The following KIAA0825 variants were observed in gnomAD, a reference collection of about 807,000 sequenced individuals.
The protein encoded by KIAA0825 is KIAA0825.
A neutral mutation model predicts 147.6 loss-of-function variants in KIAA0825; 119 were observed. The observed-to-expected ratio is 0.81, with a 90% CI of 0.69 to 0.94. KIAA0825 has a LOEUF of 0.94. KIAA0825 is among the 40% of genes least tolerant of loss of function. KIAA0825 has a pLI of 0.00. For missense variants in KIAA0825, 1,381 were observed against 1,472.7 expected (o/e 0.94, Z 1.02); for synonymous variants, 470 against 518.1 (o/e 0.91, Z 1.26).
intron 14 of KIAA0825, among the ~76,000 whole-genome samples, chr5:94,425,172 C>T (rs1754690330): frequency 6.6e-6 from 1 of 152,000 alleles, no homozygotes; most frequent in African/African-American, 2.4e-5. Flanking sequence ...CAGAGAGGAA[C>T]ACAACAAAAA....
At chr5:94,601,159 A>G (rs1372992158) in intron 1 of KIAA0825, among the ~76,000 whole-genome samples, 1 of 152,126 alleles carries the variant, frequency 6.6e-6, no homozygotes, top group Non-Finnish European at 1.5e-5. Flanking sequence ...TACCTCCTGC[A>G]TGTACATTTG....
intron 20 of KIAA0825, among the ~76,000 whole-genome samples, chr5:94,369,914 C>T (rs770341727): frequency 6.6e-6 from 1 of 152,098 alleles, no homozygotes; most frequent in Admixed American, 6.5e-5. Context: ...ATAGTTTCAG[C>T]ATAAAACACA....
intron 20 of KIAA0825, among the ~76,000 whole-genome samples, chr5:94,164,646 C>G (rs1162209454): frequency 6.6e-6 from 1 of 152,020 alleles, no homozygotes; most frequent in African/African-American, 2.4e-5. Context: ...CTCCTGACCT[C>G]GTGATCTGCC....
intron 2 of KIAA0825, among the ~76,000 whole-genome samples, chr5:94,572,446 C>A (rs145562130): frequency 1.8e-4 from 28 of 152,274 alleles, no homozygotes; most frequent in African/African-American, 6.0e-4. Context: ...GAGCTTCATT[C>A]ATTACACTGC....
chr5:94,238,049 A>G (rs964258709), intron 20 of KIAA0825, among the ~76,000 whole-genome samples: 1 of 152,192 alleles, frequency 6.6e-6, no homozygotes, highest in Middle Eastern at 3.2e-3. Context: ...TTCTCAGAAG[A>G]AAAAAAGAAC....
chr5:94,308,549 G>A (rs1778890461), intron 20 of KIAA0825, among the ~76,000 whole-genome samples: 1 of 151,692 alleles, frequency 6.6e-6, no homozygotes, highest in African/African-American at 2.4e-5. Flanking sequence ...TAAATTCAAG[G>A]GACTCTATAA....
At position 94,504,391 on chromosome 5, in the gene KIAA0825, T is replaced by A. The variant is rs571256981; in HGVS notation, c.970+15857A>T. On this transcript the variant is annotated intron_variant, in intron 5 of 20. Transcript: ENST00000682413. ...ATGATAGTTGCTTAGTGGGCCCAGATGCCCAGTTTTATCAAAGTGAAACTT... is the reference window on the plus strand; with the variant it reads ...ATGATAGTTGCTTAGTGGGCCCAGAAGCCCAGTTTTATCAAAGTGAAACTT... 9.5e-4 allele frequency among the ~76,000 whole-genome samples: 144 copies of A among 152,284 alleles called. 1 individual carries two copies. The highest frequency in any genetic ancestry group is 3.4e-3 in the African/African-American group (142 of 41,566).
At chr5:94,285,156 G>T (rs895327689) in intron 20 of KIAA0825, among the ~76,000 whole-genome samples, 2 of 152,200 alleles carry the variant, frequency 1.3e-5, no homozygotes, top group Admixed American at 1.3e-4. Context: ...CTGGAGTACT[G>T]AATTAACTAT....
At chr5:94,205,789 G>A (rs1018128588) in intron 20 of KIAA0825, among the ~76,000 whole-genome samples, 6 of 152,158 alleles carry the variant, frequency 3.9e-5, no homozygotes, top group South Asian at 4.1e-4. Context: ...AGTGTAAGAC[G>A]CACCTGATTT....
At chr5:94,528,637 T>C (rs1007960290) in intron 3 of KIAA0825, among the ~76,000 whole-genome samples, 5 of 152,148 alleles carry the variant, frequency 3.3e-5, no homozygotes, top group African/African-American at 1.2e-4. Context: ...ACATCTAATT[T>C]GGATCACTTC....
chr5:94,469,173 C>G (rs1760908845), intron 10 of KIAA0825, among the ~76,000 whole-genome samples: 1 of 144,460 alleles, frequency 6.9e-6, no homozygotes, highest in Admixed American at 6.9e-5. Context: ...GATGACTGTT[C>G]TTTTTTTTTT....
At chr5:94,454,035 C>T (rs894886556) in intron 12 of KIAA0825, among the ~76,000 whole-genome samples, 3 of 151,958 alleles carry the variant, frequency 2.0e-5, no homozygotes, top group African/African-American at 4.8e-5. Context: ...CAATGTAACC[C>T]GAATATCTGA....
In KIAA0825 at chr5:94,589,798, T is replaced by A. The variant is rs533959979; in HGVS notation, c.-152-7215A>T. Among the ~76,000 whole-genome samples the A allele has an allele frequency of 2.6e-5, 4 of 152,016 alleles. No homozygotes were observed. In the South Asian group the frequency reaches 6.2e-4, roughly 24 times the overall value. Reference sequence around the variant, plus strand: ...TACATCATGCACAAATAATGAGCTTTATTTCTTTATTTCCAAAATCTGTAC... The same window carrying A: ...TACATCATGCACAAATAATGAGCTTAATTTCTTTATTTCCAAAATCTGTAC... On this transcript the variant is annotated intron_variant, in intron 1 of 20. Transcript: ENST00000682413.
At chr5:94,235,497 A>G (rs1054566569) in intron 20 of KIAA0825, among the ~76,000 whole-genome samples, 3 of 152,258 alleles carry the variant, frequency 2.0e-5, no homozygotes, top group Non-Finnish European at 2.9e-5. Context: ...AGCTGTTTCT[A>G]TAGCATAAAA....
At chr5:94,320,429 A>G (rs564367687) in intron 20 of KIAA0825, among the ~76,000 whole-genome samples, 36 of 150,050 alleles carry the variant, frequency 2.4e-4, no homozygotes, top group African/African-American at 8.8e-4. Flanking sequence ...TAGAACTTAA[A>G]TACTAAGTGT....
intron 5 of KIAA0825, among the ~76,000 whole-genome samples, chr5:94,505,011 A>T (rs1283756440): frequency 4.0e-5 from 6 of 151,452 alleles, no homozygotes; most frequent in African/African-American, 1.5e-4. Flanking sequence ...CTCCCAAAGT[A>T]CTGGGATTAC....
At chr5:94,468,120 A>C (rs1760776909) in intron 10 of KIAA0825, among the ~76,000 whole-genome samples, 1 of 152,212 alleles carries the variant, frequency 6.6e-6, no homozygotes, top group South Asian at 2.1e-4. Flanking sequence ...TTTGAAGCTA[A>C]AGCCTTGTCA....
At chr5:94,323,023 C>G (rs1158192038) in intron 20 of KIAA0825, among the ~76,000 whole-genome samples, 1 of 151,766 alleles carries the variant, frequency 6.6e-6, no homozygotes, top group African/African-American at 2.4e-5. Context: ...TTTGTTACAT[C>G]TGTTTATGGT....
At chr5:94,426,336 C>T (rs1363374182) in intron 14 of KIAA0825, among the ~76,000 whole-genome samples, 1 of 151,726 alleles carries the variant, frequency 6.6e-6, no homozygotes, top group East Asian at 1.9e-4. Flanking sequence ...AATGGATAAA[C>T]AAAACATAGT....
Sources: gnomAD v4.1 joint callset for allele counts (sites outside exome capture counted in the v4.1 genomes callset) on GRCh38, gnomAD v4.1.1 for gene constraint, MANE v1.5 for transcripts, NCBI Gene and HGNC (gene_info 2026-07-23, HGNC 2026-07-21) for gene names.